The following CALN1 variants were observed in gnomAD, a reference collection of about 807,000 sequenced individuals.
CALN1 encodes the protein calneuron 1.
In CALN1, 17 loss-of-function variants were observed where a neutral mutation model predicts 30.6. The ratio of observed to expected loss-of-function variants is 0.56; its 90% CI spans 0.38 to 0.83. CALN1 has a LOEUF of 0.83. Among genes scored for constraint, CALN1 ranks in the 40% least tolerant of loss-of-function variants. The probability of loss-of-function intolerance (pLI) is 0.00; values close to 1 mark genes in which losing one functional copy is unlikely to be tolerated. For synonymous variants in CALN1, 156 were observed against 131.4 expected, an observed-to-expected ratio of 1.19 and a Z score of -1.28; for missense variants, 291 against 354.9, an observed-to-expected ratio of 0.82 and a Z score of 1.45.
chr7:72,302,133 T>C (rs910957875), intron 2 of CALN1, among the ~76,000 whole-genome samples: 6 of 152,068 alleles, frequency 3.9e-5, no homozygotes, highest in East Asian at 3.9e-4. Context: ...AGTGAATTAC[T>C]GCAGATGCGT....
intron 2 of CALN1, among the ~76,000 whole-genome samples, chr7:72,381,688 T>TG (rs1804911310): frequency 6.6e-6 from 1 of 151,906 alleles, no homozygotes; most frequent in Admixed American, 6.6e-5. Context: ...CATCACACAC[T>TG]GGGGCCTGTC....
intron 4 of CALN1, among the ~76,000 whole-genome samples, chr7:72,081,197 G>C (rs1805113052): frequency 6.6e-6 from 1 of 152,080 alleles, no homozygotes; most frequent in African/African-American, 2.4e-5. Flanking sequence ...GCATACTCTT[G>C]ACACAAACTG....
At chr7:71,962,456 C>T (rs1303749693) in intron 5 of CALN1, among the ~76,000 whole-genome samples, 1 of 152,100 alleles carries the variant, frequency 6.6e-6, no homozygotes, top group Non-Finnish European at 1.5e-5. Context: ...AATACCAATA[C>T]CGAGTCCATG....
At chr7:71,795,755 T>C (rs1469550250) in intron 6 of CALN1, among the ~76,000 whole-genome samples, 2 of 152,020 alleles carry the variant, frequency 1.3e-5, no homozygotes, top group Admixed American at 1.3e-4. Flanking sequence ...GTCTGGCTTC[T>C]TTTAGCATAA....
intron 3 of CALN1, among the ~76,000 whole-genome samples, chr7:72,261,819 T>C (rs1334648048): frequency 6.6e-6 from 1 of 152,140 alleles, no homozygotes; most frequent in Non-Finnish European, 1.5e-5. Flanking sequence ...AAACTCTTAA[T>C]ATTGAAGTTG....
chr7:72,092,678 A>G (rs912830633), intron 4 of CALN1, among the ~76,000 whole-genome samples: 3 of 139,626 alleles, frequency 2.1e-5, no homozygotes, highest in Non-Finnish European at 3.1e-5. Flanking sequence ...TAAAGTTATC[A>G]TTAGTGTTGT....
At chr7:71,985,679 T>G (rs1156761456) in intron 5 of CALN1, among the ~76,000 whole-genome samples, 1 of 139,782 alleles carries the variant, frequency 7.2e-6, no homozygotes, top group African/African-American at 2.6e-5. Context: ...AACCCCTGCC[T>G]CCCAGGTTCA....
intron 4 of CALN1, among the ~76,000 whole-genome samples, chr7:72,055,633 T>C (rs1311322094): frequency 1.3e-5 from 2 of 152,172 alleles, no homozygotes; most frequent in East Asian, 1.9e-4. Flanking sequence ...ATAAAAATTA[T>C]GAAATACTGT....
intron 3 of CALN1, among the ~76,000 whole-genome samples, chr7:72,236,369 A>C (rs1346992570): frequency 6.6e-6 from 1 of 152,062 alleles, no homozygotes; most frequent in Non-Finnish European, 1.5e-5. Context: ...CATCAAGCCC[A>C]CCCGCCCTCC....
chr7:72,360,682 TATGTAAC>T (rs1484657090), intron 2 of CALN1, among the ~76,000 whole-genome samples: 2 of 148,500 alleles, frequency 1.3e-5, no homozygotes, highest in Non-Finnish European at 1.5e-5. Flanking sequence ...TATGTATACA[TATGTAAC>T]ATGTAACAAA....
chr7:71,871,421 A>G (rs1460184061), intron 5 of CALN1, among the ~76,000 whole-genome samples: 1 of 151,820 alleles, frequency 6.6e-6, no homozygotes, highest in African/African-American at 2.4e-5. Context: ...CTGCACCCAC[A>G]CAGCTGAATG....
At chr7:72,299,172 TG>T (rs1562856787) in intron 2 of CALN1, among the ~76,000 whole-genome samples, 1 of 152,140 alleles carries the variant, frequency 6.6e-6, no homozygotes, top group Non-Finnish European at 1.5e-5. Context: ...CATTCTCTAC[TG>T]TAGATAATCA....
chr7:72,123,009 G>C (rs976201833), intron 3 of CALN1, among the ~76,000 whole-genome samples: 1 of 152,196 alleles, frequency 6.6e-6, no homozygotes, highest in African/African-American at 2.4e-5. Flanking sequence ...ATGGGGGAGA[G>C]AGACTGGGCT....
At chr7:72,177,484 G>A (rs540756815) in intron 3 of CALN1, among the ~76,000 whole-genome samples, 1 of 152,138 alleles carries the variant, frequency 6.6e-6, no homozygotes, top group South Asian at 2.1e-4. Flanking sequence ...GGACATTTGG[G>A]CGGGGCAATG....
intron 2 of CALN1, among the ~76,000 whole-genome samples, chr7:72,333,897 G>C (rs568305037): frequency 6.6e-6 from 1 of 152,136 alleles, no homozygotes; most frequent in Non-Finnish European, 1.5e-5. Context: ...AACGAATATA[G>C]GGCACCCACT....
chr7:71,941,941 G>A (rs916910570), intron 5 of CALN1, among the ~76,000 whole-genome samples: 3 of 152,186 alleles, frequency 2.0e-5, no homozygotes, highest in African/African-American at 4.8e-5. Flanking sequence ...GCTCACGCCT[G>A]TAATCCCAGC....
chr7:72,477,713 T>G, the CALN1 span, among the ~76,000 whole-genome samples: 1 of 152,114 alleles, frequency 6.6e-6, no homozygotes, highest in South Asian at 2.1e-4. Context: ...CATGCCACCA[T>G]GCCTGGATAA....
intron 4 of CALN1, among the ~76,000 whole-genome samples, chr7:72,043,321 T>G (rs1315683601): frequency 1.3e-5 from 2 of 152,070 alleles, no homozygotes; most frequent in African/African-American, 2.4e-5. Flanking sequence ...CCTTCAGCAG[T>G]CCAGAACCCC....
chr7:72,105,648 T>G (rs1330012895), intron 4 of CALN1, among the ~76,000 whole-genome samples: 1 of 151,240 alleles, frequency 6.6e-6, no homozygotes, highest in Non-Finnish European at 1.5e-5. Flanking sequence ...GCACATCCAC[T>G]AAGCACCACT....
Sources: allele counts gnomAD v4.1 joint callset (sites outside exome capture counted in the v4.1 genomes callset), GRCh38; gene constraint gnomAD v4.1.1; transcripts MANE v1.5; gene names NCBI Gene and HGNC (gene_info 2026-07-23, HGNC 2026-07-21).